ENOX1: variants seen among roughly 807,000 people sequenced by gnomAD.
The protein encoded by ENOX1 is ecto-NOX disulfide-thiol exchanger 1.
A neutral mutation model predicts 82.5 loss-of-function variants in ENOX1; 42 were observed. The ratio of observed to expected loss-of-function variants is 0.51; its 90% confidence interval spans 0.40 to 0.66. ENOX1 has a LOEUF of 0.66. Among genes scored for constraint, ENOX1 ranks in the 30% least tolerant of loss-of-function variants. ENOX1 has a pLI of 0.00. For missense variants in ENOX1, 608 were observed against 811.6 expected (o/e 0.75, Z 3.05); for synonymous variants, 271 against 282.2 (o/e 0.96, Z 0.40).
At chr13:43,714,664 T>C (rs111549955) in intron 1 of ENOX1, among the ~76,000 whole-genome samples, 1 of 152,212 alleles carries the variant, frequency 6.6e-6, no homozygotes, top group African/African-American at 2.4e-5. Context: ...TTTACCATTA[T>C]GTAATGGCCT....
chr13:43,595,486 T>C (rs1342946485), intron 2 of ENOX1, among the ~76,000 whole-genome samples: 2 of 152,242 alleles, frequency 1.3e-5, no homozygotes, highest in African/African-American at 2.4e-5. Context: ...TATTAGACTT[T>C]ATGTTCGTTG....
chr13:43,223,184 G>A (rs545451544), intron 16 of ENOX1, among the ~76,000 whole-genome samples: 38 of 152,290 alleles, frequency 2.5e-4, no homozygotes, highest in African/African-American at 8.4e-4. Context: ...TGGTCTGGTC[G>A]TACCAATCCC....
intron 2 of ENOX1, among the ~76,000 whole-genome samples, chr13:43,529,251 GGC>G (rs2078111284): frequency 6.6e-6 from 1 of 151,898 alleles, no homozygotes; most frequent in African/African-American, 2.4e-5. Flanking sequence ...CCTTGCTGTA[GGC>G]ACTCATTCCC....
chr13:43,243,908 C>G (rs922802582), intron 14 of ENOX1, among the ~76,000 whole-genome samples: 2 of 152,062 alleles, frequency 1.3e-5, no homozygotes, highest in Non-Finnish European at 1.5e-5. Context: ...ACACACAGCA[C>G]AAGTCCTGTA....
chr13:43,494,236 A>C (rs189197108), intron 2 of ENOX1, among the ~76,000 whole-genome samples: 88 of 152,280 alleles, frequency 5.8e-4, no homozygotes, highest in African/African-American at 2.0e-3. Context: ...AATCACAATT[A>C]ACTAATACGA....
At chr13:43,281,987 G>T (rs935028605) in intron 12 of ENOX1, among the ~76,000 whole-genome samples, 1 of 152,050 alleles carries the variant, frequency 6.6e-6, no homozygotes, top group East Asian at 1.9e-4. Flanking sequence ...AATCTGGGAA[G>T]GTTAAAAAAA....
chr13:43,707,345 A>T (rs1464669756), intron 1 of ENOX1, among the ~76,000 whole-genome samples: 1 of 152,176 alleles, frequency 6.6e-6, no homozygotes, highest in African/African-American at 2.4e-5. Flanking sequence ...TGTAGATTCA[A>T]TGCCATCCCA....
chr13:43,349,097 T>C (rs866246919), intron 8 of ENOX1, among the ~76,000 whole-genome samples: 2 of 152,324 alleles, frequency 1.3e-5, no homozygotes, highest in Non-Finnish European at 2.9e-5. Context: ...ACAAATGTAA[T>C]GGTTAAAAGT....
intron 3 of ENOX1, among the ~76,000 whole-genome samples, chr13:43,445,181 T>C (rs913428505): frequency 6.7e-6 from 1 of 150,332 alleles, no homozygotes; most frequent in Non-Finnish European, 1.5e-5. Context: ...TGGGGCACAG[T>C]GGCACGATCT....
At chr13:43,275,462 G>A (rs577921615) in intron 12 of ENOX1, among the ~76,000 whole-genome samples, 31 of 152,250 alleles carry the variant, frequency 2.0e-4, no homozygotes, top group African/African-American at 6.3e-4. Flanking sequence ...ATAGTGTGGG[G>A]TTAGGAGAAC....
At chr13:43,525,503 T>C (rs2077950207) in intron 2 of ENOX1, among the ~76,000 whole-genome samples, 2 of 152,198 alleles carry the variant, frequency 1.3e-5, no homozygotes. Flanking sequence ...TTCCCAAAAG[T>C]AGAACTGCTG....
rs370635490 is a variant in ENOX1 at position 43,213,986 on chromosome 13, G to A, written c.*4C>T. ...CATTTCCAGAGATGCTTTGCTCTTC[G>A]CAGTTAGGTAGTTTTAATTCCTTCA... is the stretch of plus-strand genomic sequence containing the variant. On this transcript the variant is annotated 3_prime_UTR_variant, in exon 17 of 17. Transcript: ENST00000690772. 1.6e-5 allele frequency: 26 copies of A among 1,612,564 alleles called. No homozygotes were observed. The highest frequency in any genetic ancestry group is 2.0e-5 in the Non-Finnish European group (23 of 1,179,240).
Position 43,786,435 on chromosome 13 carries a change from A to G in ENOX1, c.-285+217T>C, listed in dbSNP as rs1952630401. 6.6e-6 allele frequency among the ~76,000 whole-genome samples: 1 copy of G among 151,358 alleles called. No individual in the cohort carries two copies. Among genetic ancestry groups the G allele is most frequent in the Non-Finnish European group, 1.5e-5 (1 of 67,826 alleles). ...GGGCGCGTAAAAGTGAGGGAGCTTG[A>G]GACGGGGCACGGCGGGGAAGGGCGT... On this transcript the variant is annotated intron_variant, in intron 1 of 16. Coordinates refer to ENST00000690772, the MANE Select transcript of ENOX1 (RefSeq NM_001347969.2). This position sits in a 1 kb window ranked among gnomAD's most constrained non-coding sequence, Gnocchi z 6.0.
chr13:43,295,932 C>T (rs749799265), intron 12 of ENOX1, among the ~76,000 whole-genome samples: 4 of 152,110 alleles, frequency 2.6e-5, no homozygotes, highest in South Asian at 2.1e-4. Flanking sequence ...TAGCAGCCAC[C>T]GGGGACCCAG....
chr13:43,443,455 C>T (rs951380355), intron 3 of ENOX1, among the ~76,000 whole-genome samples: 1 of 152,154 alleles, frequency 6.6e-6, no homozygotes, highest in Non-Finnish European at 1.5e-5. Flanking sequence ...ATTAAAAGAG[C>T]TGGCACTGAC....
intron 6 of ENOX1, among the ~76,000 whole-genome samples, chr13:43,360,595 G>T (rs1036050415): frequency 6.6e-6 from 1 of 151,554 alleles, no homozygotes; most frequent in Non-Finnish European, 1.5e-5. Flanking sequence ...TGGGAAGGCT[G>T]TATAAAAAGA....
intron 3 of ENOX1, chr13:43,459,280 C>A (rs1033429158): frequency 6.6e-6 from 1 of 152,140 alleles, no homozygotes; most frequent in Non-Finnish European, 1.5e-5. Flanking sequence ...GTACCTCTGG[C>A]AATTTTGGCA....
intron 1 of ENOX1, among the ~76,000 whole-genome samples, chr13:43,705,324 C>CTATATA (rs1320224649): frequency 2.9e-4 from 8 of 27,154 alleles, no homozygotes; most frequent in Admixed American, 6.1e-4. Flanking sequence ...CTCTCTCTCT[C>CTATATA]TCTCTCTATA....
In ENOX1 at chr13:43,563,860, G is replaced by A. The variant is rs533113871; in HGVS notation, c.-218-79708C>T. Reference sequence around the variant, plus strand: ...GAATGGAGCCATAATAAAAGGTCTCGCAGTAAAGAAAAGCCCAGGACCTGA... The same window carrying A: ...GAATGGAGCCATAATAAAAGGTCTCACAGTAAAGAAAAGCCCAGGACCTGA... On this transcript the variant is annotated intron_variant, in intron 2 of 16. Transcript: ENST00000690772. Among the ~76,000 whole-genome samples the A allele has an allele frequency of 9.0e-4, 137 of 151,936 alleles. 1 individual carries two copies. Among genetic ancestry groups the A allele is most frequent in the African/African-American group, 3.2e-3 (134 of 41,448 alleles).
Sources: allele counts gnomAD v4.1 joint callset (sites outside exome capture counted in the v4.1 genomes callset), GRCh38; gene constraint gnomAD v4.1.1; non-coding constraint Gnocchi (gnomAD v3.1); transcripts MANE v1.5; gene names NCBI Gene and HGNC (gene_info 2026-07-23, HGNC 2026-07-21).